Variants in MYO1H observed in about 807,000 individuals in gnomAD.
MYO1H encodes unconventional myosin-Ih.
MYO1H carries 118 observed loss-of-function variants against 149.3 expected under a neutral mutation model. That is an observed-to-expected ratio of 0.79 (90% CI 0.68 to 0.92). MYO1H has a LOEUF of 0.92. Among genes scored for constraint, MYO1H ranks in the 40% least tolerant of loss-of-function variants. The pLI is 0.00. For missense variants in MYO1H, 1,212 were observed against 1,280.7 expected, an observed-to-expected ratio of 0.95 and a Z score of 0.82; for synonymous variants, 447 against 465.2, an observed-to-expected ratio of 0.96 and a Z score of 0.50.
intron 1 of MYO1H, among the ~76,000 whole-genome samples, chr12:109,373,986 CA>C (rs1309644791): frequency 3.3e-5 from 5 of 152,016 alleles, no homozygotes; most frequent in Admixed American, 6.6e-5. Flanking sequence ...GACTCTGTCT[CA>C]AAGAAAGCAA....
At chr12:109,349,683 G>A (rs1416129996) in intron 1 of MYO1H, among the ~76,000 whole-genome samples, 7 of 150,830 alleles carry the variant, frequency 4.6e-5, no homozygotes, top group South Asian at 2.1e-4. Context: ...AAAAGAGGCC[G>A]GGTGCGGTGG....
chr12:109,421,342 A>T (rs972948129), intron 16 of MYO1H, among the ~76,000 whole-genome samples: 7 of 152,220 alleles, frequency 4.6e-5, no homozygotes, highest in African/African-American at 7.2e-5. Context: ...GATAATAAAT[A>T]TATACACAAA....
upstream of MYO1H, among the ~76,000 whole-genome samples, chr12:109,345,306 A>G (rs1377825005): frequency 2.6e-5 from 4 of 152,222 alleles, no homozygotes; most frequent in African/African-American, 7.2e-5. Flanking sequence ...GGATTTGCAT[A>G]GACAGTTCTC....
chr12:109,431,440 C>T (rs1428542958), intron 19 of MYO1H, among the ~76,000 whole-genome samples: 2 of 152,060 alleles, frequency 1.3e-5, no homozygotes, highest in Admixed American at 1.3e-4. Flanking sequence ...TTGGGAACAC[C>T]ACTGCTAGCA....
At chr12:109,417,918 C>G (rs1290374612) in intron 15 of MYO1H, among the ~76,000 whole-genome samples, 5 of 151,854 alleles carry the variant, frequency 3.3e-5, no homozygotes, top group Admixed American at 3.3e-4. Flanking sequence ...CGGATTCATG[C>G]CATTCTCCTG....
At chr12:109,352,625 C>A (rs946343779) in intron 1 of MYO1H, among the ~76,000 whole-genome samples, 2 of 152,144 alleles carry the variant, frequency 1.3e-5, no homozygotes, top group Admixed American at 6.5e-5. Flanking sequence ...GTGTGTTAAA[C>A]ATACAGAAAA....
At chr12:109,403,925 C>T in intron 6 of MYO1H, 57 bp from the exon 7 acceptor site, 4 of 1,161,530 alleles carry the variant, frequency 3.4e-6, no homozygotes, top group Non-Finnish European at 5.1e-6. Context: ...GAGGAATAGA[C>T]ATGCTTAATT....
At position 109,371,732 on chromosome 12, in the gene MYO1H, A is replaced by G. The variant is rs145600689; in HGVS notation, c.13-16951A>G. ...AATATATGCCTAATTTTTGAAATAT[A>G]CTTTCAAATTACATTTCATAAAGAT... is the stretch of plus-strand genomic sequence containing the variant. On this transcript the variant is annotated intron_variant, in intron 1 of 31. Coordinates refer to ENST00000310903, the Ensembl canonical transcript of MYO1H. Among the ~76,000 whole-genome samples, 220 of 152,324 alleles carry G rather than the reference A, an allele frequency of 1.4e-3. 2 individuals carry two copies. Among genetic ancestry groups the G allele is most frequent in the African/African-American group, 5.0e-3 (209 of 41,570 alleles).
At chr12:109,417,043 C>T (rs531380272) in intron 15 of MYO1H, among the ~76,000 whole-genome samples, 2 of 149,632 alleles carry the variant, frequency 1.3e-5, no homozygotes, top group East Asian at 2.0e-4. Context: ...TGGTGGTGAT[C>T]GCCTGTAGTC....
chr12:109,415,660 C>A, intron 15 of MYO1H, 40 bp downstream of exon 15: 1 of 1,428,812 alleles, frequency 7.0e-7, no homozygotes. Flanking sequence ...CATGTATGTG[C>A]CCAGCCTGGT....
the MYO1H span, among the ~76,000 whole-genome samples, chr12:109,338,286 T>C: frequency 6.6e-6 from 1 of 152,116 alleles, no homozygotes; most frequent in African/African-American, 2.4e-5. Flanking sequence ...CTTTCAAGCA[T>C]TGTACTTTAA....
chr12:109,346,579 G>A (rs2048103221), upstream of MYO1H, among the ~76,000 whole-genome samples: 2 of 152,024 alleles, frequency 1.3e-5, no homozygotes, highest in African/African-American at 4.8e-5. Flanking sequence ...TGGTCAACAT[G>A]GTGAAACCTT....
chr12:109,407,690 C>A, intron 9 of MYO1H, 104 bp from the exon 10 acceptor site: 1 of 1,266,846 alleles, frequency 7.9e-7, no homozygotes, highest in South Asian at 1.7e-5. Flanking sequence ...AGAGCGAGAC[C>A]CTGTCTCATT....
chr12:109,446,324 A>C, intron 31 of MYO1H: 4 of 901,676 alleles, frequency 4.4e-6, no homozygotes, highest in Non-Finnish European at 5.0e-6. Flanking sequence ...AGTTTTGCTG[A>C]AAACGACATG....
chr12:109,324,698 C>CTTTTTCT, the MYO1H span, among the ~76,000 whole-genome samples: 1 of 149,226 alleles, frequency 6.7e-6, no homozygotes, highest in Non-Finnish European at 1.5e-5. Context: ...TTTTCTTTTT[C>CTTTTTCT]TTTTCTTTTT....
chr12:109,315,619 C>A, the MYO1H span, among the ~76,000 whole-genome samples: 3 of 152,068 alleles, frequency 2.0e-5, no homozygotes, highest in African/African-American at 7.2e-5. Context: ...CACACTAGGC[C>A]CACGATCCCT....
intron 21 of MYO1H, among the ~76,000 whole-genome samples, 194 bp downstream of exon 21, chr12:109,435,307 T>G (rs1299598346): frequency 6.6e-6 from 1 of 151,236 alleles, no homozygotes; most frequent in Non-Finnish European, 1.5e-5. Flanking sequence ...CAGTCACAGA[T>G]GCAGGCAGAT....
chr12:109,429,715 C>T (rs1440900483), intron 19 of MYO1H, among the ~76,000 whole-genome samples: 1 of 152,092 alleles, frequency 6.6e-6, no homozygotes, highest in East Asian at 1.9e-4. Context: ...AAAAGTGAAT[C>T]CAGGTAAGGG....
intron 18 of MYO1H, among the ~76,000 whole-genome samples, chr12:109,427,161 C>T (rs924860304): frequency 5.9e-5 from 9 of 151,956 alleles, no homozygotes; most frequent in Middle Eastern, 6.8e-3. Context: ...ACTAAAAATA[C>T]AAAAATTAGC....
Sources: gnomAD v4.1 joint callset for allele counts (sites outside exome capture counted in the v4.1 genomes callset) on GRCh38, gnomAD v4.1.1 for gene constraint, MANE v1.5 for transcripts, NCBI Gene and HGNC (gene_info 2026-07-23, HGNC 2026-07-21) for gene names.